FAF1: variants seen among roughly 807,000 people sequenced by gnomAD.
FAF1 encodes the protein Fas associated factor 1.
A neutral mutation model predicts 92.5 loss-of-function variants in FAF1; 25 were observed. That is an observed-to-expected ratio of 0.27 (90% CI 0.20 to 0.38). The LOEUF is 0.38. Among genes scored for constraint, FAF1 ranks in the 10% least tolerant of loss-of-function variants. The pLI is 1.00. For missense variants in FAF1, 636 were observed against 793.3 expected (o/e 0.80, Z 2.38); for synonymous variants, 234 against 273.2 (o/e 0.86, Z 1.42).
At chr1:50,587,745 C>T (rs1572852182) in intron 9 of FAF1, among the ~76,000 whole-genome samples, 1 of 152,126 alleles carries the variant, frequency 6.6e-6, no homozygotes, top group Non-Finnish European at 1.5e-5. Context: ...TACAGTATAT[C>T]CTCTCTTAAG....
chr1:50,767,585 GGGA>G (rs1478721389), intron 4 of FAF1, among the ~76,000 whole-genome samples: 2 of 152,100 alleles, frequency 1.3e-5, no homozygotes, highest in Non-Finnish European at 2.9e-5. Flanking sequence ...AACCTACAAA[GGGA>G]ACCCCACAGA....
chr1:50,465,931 G>C (rs953870246), intron 18 of FAF1, among the ~76,000 whole-genome samples: 35 of 152,154 alleles, frequency 2.3e-4, no homozygotes, highest in African/African-American at 8.2e-4. Flanking sequence ...GACTGAGTGG[G>C]AGAGGGGTCA....
Position 50,729,058 on chromosome 1 carries a change from A to ATATATTTTT in FAF1, c.551+9804_551+9805insAAAAATATA, listed in dbSNP as rs1375923156. On this transcript the variant is annotated intron_variant, in intron 6 of 18. Transcript: ENST00000396153. The stretch of plus-strand genomic sequence containing the variant: ...TCTATATATATATATATATATATAT[A>ATATATTTTT]TTTTTTTTTTTTTTGAGGCAGAGTT... 3.3e-4 allele frequency among the ~76,000 whole-genome samples: 23 copies of ATATATTTTT among 70,116 alleles called. 1 individual carries two copies. The South Asian group carries it at 5.1e-3, about 15-fold the overall frequency. The allele number at this position is 70,116 out of a possible 152,430, so 46.0% of individuals were successfully genotyped here. A position where few individuals can be genotyped will look rare whatever the true frequency, so the allele number is the denominator to read the frequency against.
At chr1:50,469,165 T>C (rs1362217450) in intron 18 of FAF1, among the ~76,000 whole-genome samples, 1 of 152,226 alleles carries the variant, frequency 6.6e-6, no homozygotes, top group Non-Finnish European at 1.5e-5. Flanking sequence ...AAAATTCAGG[T>C]GTCCTGTCAA....
intron 1 of FAF1, among the ~76,000 whole-genome samples, chr1:50,939,946 T>C (rs1200743726): frequency 6.6e-6 from 1 of 152,222 alleles, no homozygotes. Context: ...GGTCTCACTC[T>C]GTCATCCAGG....
intron 1 of FAF1, among the ~76,000 whole-genome samples, chr1:50,888,821 T>A: frequency 6.6e-6 from 1 of 152,192 alleles, no homozygotes; most frequent in Non-Finnish European, 1.5e-5. Context: ...TGGTCTAAAA[T>A]TCTCTTTTTT....
chr1:50,478,945 A>G (rs868577385), intron 17 of FAF1, among the ~76,000 whole-genome samples: 1 of 152,214 alleles, frequency 6.6e-6, no homozygotes, highest in South Asian at 2.1e-4. Context: ...TTCAAAGTCA[A>G]CATATCTGTA....
intron 1 of FAF1, among the ~76,000 whole-genome samples, chr1:50,940,036 G>A (rs943001445): frequency 2.0e-5 from 3 of 151,916 alleles, no homozygotes; most frequent in African/African-American, 7.3e-5. Flanking sequence ...TCAGCCTCCC[G>A]AGTAGCTGGG....
chr1:50,904,413 C>T (rs748962041), intron 1 of FAF1, among the ~76,000 whole-genome samples: 3 of 151,968 alleles, frequency 2.0e-5, no homozygotes, highest in South Asian at 2.1e-4. Flanking sequence ...TTTGAGAAGA[C>T]GAAAAAGTTC....
chr1:50,486,704 T>C (rs1646773814), intron 17 of FAF1, among the ~76,000 whole-genome samples: 1 of 152,170 alleles, frequency 6.6e-6, no homozygotes, highest in Non-Finnish European at 1.5e-5. Context: ...GTAAGCTCCT[T>C]GAGGGCTGGA....
intron 7 of FAF1, among the ~76,000 whole-genome samples, chr1:50,702,673 C>A (rs138906706): frequency 2.6e-5 from 4 of 152,198 alleles, no homozygotes; most frequent in African/African-American, 9.6e-5. Context: ...CAATAACTAA[C>A]TGGCTTAAAT....
chr1:50,896,978 A>G (rs1475191625), intron 1 of FAF1, among the ~76,000 whole-genome samples: 1 of 152,168 alleles, frequency 6.6e-6, no homozygotes, highest in Non-Finnish European at 1.5e-5. Flanking sequence ...AAACACAAAG[A>G]AAAGAAAAAG....
At chr1:50,649,025 G>A (rs769601098) in intron 8 of FAF1, among the ~76,000 whole-genome samples, 12 of 152,188 alleles carry the variant, frequency 7.9e-5, no homozygotes, top group Non-Finnish European at 1.0e-4. Flanking sequence ...CTCGTGATCC[G>A]TCTGCCTTGG....
chr1:50,508,073 TA>T (rs765128620), intron 15 of FAF1, among the ~76,000 whole-genome samples: 2 of 152,224 alleles, frequency 1.3e-5, no homozygotes, highest in African/African-American at 4.8e-5. Context: ...TTTTGTTTTT[TA>T]AAGGGAAAAT....
At chr1:50,810,267 A>G (rs1662369143) in intron 2 of FAF1, among the ~76,000 whole-genome samples, 1 of 152,180 alleles carries the variant, frequency 6.6e-6, no homozygotes, top group Non-Finnish European at 1.5e-5. Context: ...AAACTAAAAA[A>G]ATTAAAAAAA....
chr1:50,797,117 C>T (rs1319341657), intron 3 of FAF1, among the ~76,000 whole-genome samples: 1 of 151,978 alleles, frequency 6.6e-6, no homozygotes, highest in Non-Finnish European at 1.5e-5. Flanking sequence ...GCCTGGGTGA[C>T]AGAGTGAGAC....
intron 8 of FAF1, among the ~76,000 whole-genome samples, chr1:50,642,477 C>T (rs1005121126): frequency 2.6e-5 from 4 of 151,496 alleles, no homozygotes; most frequent in Admixed American, 6.6e-5. Context: ...GGTGAAACCC[C>T]GTCTCTACTA....
At chr1:50,761,779 A>G (rs12067088) in intron 4 of FAF1, among the ~76,000 whole-genome samples, 2 of 152,102 alleles carry the variant, frequency 1.3e-5, no homozygotes, top group Non-Finnish European at 2.9e-5. Flanking sequence ...AAACTGGCAC[A>G]AGACAGGGAT....
At chr1:50,486,874 A>G (rs1646775423) in intron 17 of FAF1, among the ~76,000 whole-genome samples, 1 of 152,218 alleles carries the variant, frequency 6.6e-6, no homozygotes, top group Non-Finnish European at 1.5e-5. Context: ...AACTCAGTAG[A>G]AAAAGGCAGT....
Sources: allele counts gnomAD v4.1 joint callset (sites outside exome capture counted in the v4.1 genomes callset), GRCh38; gene constraint gnomAD v4.1.1; transcripts MANE v1.5; gene names NCBI Gene and HGNC (gene_info 2026-07-23, HGNC 2026-07-21).